The following TBC1D32 variants were observed in gnomAD, a reference collection of about 807,000 sequenced individuals.
TBC1D32 encodes the protein protein broad-minded.
Under a neutral mutation model 170.3 loss-of-function variants are expected in TBC1D32, and 151 were observed. The ratio of observed to expected loss-of-function variants is 0.89; its 90% CI spans 0.78 to 1.01. The LOEUF (loss-of-function observed/expected upper bound fraction) is 1.01. TBC1D32 is among the 50% of genes least tolerant of loss of function. TBC1D32 has a pLI of 0.00. For missense variants in TBC1D32, 1,464 were observed against 1,457.1 expected, an observed-to-expected ratio of 1.00 and a Z score of -0.08; for synonymous variants, 498 against 488.0, an observed-to-expected ratio of 1.02 and a Z score of -0.27.
chr6:121,198,236 A>AT (rs1252448687), intron 22 of TBC1D32, among the ~76,000 whole-genome samples: 8 of 129,570 alleles, frequency 6.2e-5, no homozygotes, highest in African/African-American at 2.4e-4. Context: ...AATATATATA[A>AT]ATATATATAT....
Position 121,115,175 on chromosome 6 carries a change from A to G in TBC1D32, c.3050T>C (p.Val1017Ala), listed in dbSNP as rs1244009991. 1 of 1,596,048 alleles carries G rather than the reference A, an allele frequency of 6.3e-7. No individual in the cohort carries two copies. Among genetic ancestry groups the G allele is most frequent in the Non-Finnish European group, 8.5e-7 (1 of 1,169,612 alleles). ...SVQQLGIKMT[V>A]RYGKFLSLLK... ...GAGCTATTTCCCTATAATATACCTG[A>G]CAGTCATTTTAATGCCAAGCTGCTG... is the stretch of plus-strand genomic sequence containing the variant. The change falls in exon 27 of 32, where the codon GTC becomes GCC. Residue 1017 changes from valine to alanine, a missense_variant. This residue lies in a region of TBC1D32 where 1,363 missense variants were observed against 1,338.1 expected (regional missense o/e 1.02). Transcript: ENST00000398212.
chr6:121,145,631 T>C (rs1039030588), intron 24 of TBC1D32, among the ~76,000 whole-genome samples: 2 of 152,174 alleles, frequency 1.3e-5, no homozygotes, highest in African/African-American at 4.8e-5. Context: ...AAAATAAGCA[T>C]GTGAGATTAT....
intron 16 of TBC1D32, among the ~76,000 whole-genome samples, chr6:121,255,739 T>C (rs1356941228): frequency 6.6e-6 from 1 of 152,028 alleles, no homozygotes. Flanking sequence ...TACATTACGA[T>C]CTCTAGTATC....
At chr6:121,204,530 C>T (rs942157027) in intron 22 of TBC1D32, among the ~76,000 whole-genome samples, 6 of 151,206 alleles carry the variant, frequency 4.0e-5, no homozygotes, top group African/African-American at 1.5e-4. Context: ...TTACATATGA[C>T]CAAAAGACTG....
chr6:121,131,855 A>T (rs1458419971), intron 24 of TBC1D32, 103 bp from the exon 25 acceptor site: 3 of 815,252 alleles, frequency 3.7e-6, no homozygotes, highest in Non-Finnish European at 5.3e-6. Flanking sequence ...TATGGAATAC[A>T]TATGGCTTTC....
intron 15 of TBC1D32, among the ~76,000 whole-genome samples, chr6:121,260,184 C>T (rs1201257974): frequency 6.6e-6 from 1 of 152,104 alleles, no homozygotes; most frequent in Non-Finnish European, 1.5e-5. Flanking sequence ...TTTCTTGTAT[C>T]GTTTCCAAGC....
chr6:121,088,575 T>C (rs1776486864), intron 31 of TBC1D32, among the ~76,000 whole-genome samples: 1 of 152,120 alleles, frequency 6.6e-6, no homozygotes, highest in Admixed American at 6.6e-5. Context: ...AAATAAACTA[T>C]ACCAGAGTTT....
At chr6:121,115,065 A>G in intron 27 of TBC1D32, 107 bp downstream of exon 27, 2 of 761,858 alleles carry the variant, frequency 2.6e-6, no homozygotes, top group Non-Finnish European at 4.0e-6. Context: ...CTCTGCATTT[A>G]AAGTATACAA....
Position 121,303,674 on chromosome 6 carries a change from A to C in TBC1D32, c.1023T>G (p.Asp341Glu). Reference protein sequence around the residue: ...QSHVVSQKILDPIYFFALVDT... With the variant: ...QSHVVSQKILEPIYFFALVDT... ...CAACTAATGCAAAAAAGTAGATCGG[A>C]TCCAAAATCTTTTGTGAGACAACAT... The change falls in exon 9 of 32, where the codon GAT (aspartate) becomes GAG (glutamate). Residue 341 changes from aspartate (D) to glutamate (E), a missense_variant. Physicochemically the swap from Asp to Glu is conservative, Grantham distance 45. This residue lies in a region of TBC1D32 where 1,363 missense variants were observed against 1,338.1 expected (regional missense o/e 1.02). Coordinates refer to ENST00000398212, the MANE Select transcript of TBC1D32 (RefSeq NM_152730.6). The C allele has an allele frequency of 6.3e-7, 1 of 1,599,324 alleles. No individual in the cohort carries two copies. The highest frequency in any genetic ancestry group is 8.5e-7 in the Non-Finnish European group (1 of 1,170,080).
chr6:121,241,408 G>T, intron 19 of TBC1D32, 57 bp downstream of exon 19: 1 of 1,438,896 alleles, frequency 6.9e-7, no homozygotes, highest in Non-Finnish European at 9.5e-7. Flanking sequence ...ATTTTCAGTT[G>T]GCTTGCTCAT....
At chr6:121,224,135 G>A (rs578234430) in intron 20 of TBC1D32, among the ~76,000 whole-genome samples, 1 of 146,832 alleles carries the variant, frequency 6.8e-6, no homozygotes, top group Non-Finnish European at 1.5e-5. Context: ...CGTCACTTCA[G>A]TCAATCAAAT....
intron 20 of TBC1D32, among the ~76,000 whole-genome samples, chr6:121,235,951 A>G (rs1348543387): frequency 2.6e-5 from 4 of 152,184 alleles, no homozygotes; most frequent in Non-Finnish European, 5.9e-5. Flanking sequence ...TTTTTTATAC[A>G]TGCTGAAAAT....
intron 11 of TBC1D32, among the ~76,000 whole-genome samples, chr6:121,292,625 C>T (rs1375597236): frequency 1.3e-5 from 2 of 152,134 alleles, no homozygotes; most frequent in East Asian, 1.9e-4. Context: ...ACAATATAGA[C>T]ATCTCCCAAT....
At chr6:121,159,050 C>G (rs1785262464) in intron 24 of TBC1D32, among the ~76,000 whole-genome samples, 1 of 152,178 alleles carries the variant, frequency 6.6e-6, no homozygotes, top group Non-Finnish European at 1.5e-5. Flanking sequence ...TCCAGCCCCT[C>G]TGCTTTTTCC....
intron 10 of TBC1D32, among the ~76,000 whole-genome samples, chr6:121,296,139 T>C (rs925666058): frequency 1.3e-5 from 2 of 152,180 alleles, no homozygotes; most frequent in Non-Finnish European, 1.5e-5. Flanking sequence ...AATTCAATGC[T>C]GAAAGAGTTA....
chr6:121,105,208 A>T (rs1255221057), intron 30 of TBC1D32, among the ~76,000 whole-genome samples: 4 of 151,964 alleles, frequency 2.6e-5, no homozygotes, highest in Non-Finnish European at 5.9e-5. Context: ...CAAAATTTTT[A>T]AAAGGGTAAC....
intron 29 of TBC1D32, among the ~76,000 whole-genome samples, chr6:121,110,045 A>C (rs1310613665): frequency 6.6e-6 from 1 of 151,868 alleles, no homozygotes; most frequent in Admixed American, 6.6e-5. Context: ...AAGTCAGGAG[A>C]TCGAGACCAT....
Position 121,256,111 on chromosome 6 carries a change from A to C in TBC1D32, c.1908T>G (p.His636Gln), listed in dbSNP as rs1798971403. The C allele has an allele frequency of 6.2e-7, 1 of 1,612,970 alleles. No individual in the cohort carries two copies. Among genetic ancestry groups the C allele is most frequent in the African/African-American group, 1.3e-5 (1 of 74,880 alleles). Residue 636 changes from histidine (H) to glutamine (Q), a missense_variant, in exon 16 of 32, where the codon CAT becomes CAG. Coordinates refer to ENST00000398212, the MANE Select transcript of TBC1D32 (RefSeq NM_152730.6). ...TTTTCCATGCCTTTGCTATAGATTC[A>C]TGCAAATTATAAGTGATTAACACCT... ...GLQVLITYNL[H>Q]ESIAKAWKKT...
At chr6:121,162,746 C>T (rs1294041136) in intron 22 of TBC1D32, among the ~76,000 whole-genome samples, 4 of 150,906 alleles carry the variant, frequency 2.7e-5, no homozygotes, top group African/African-American at 4.9e-5. Flanking sequence ...GGAACAGCTC[C>T]AGTCTACAGC....
Sources: allele counts gnomAD v4.1 joint callset (sites outside exome capture counted in the v4.1 genomes callset), GRCh38; gene constraint gnomAD v4.1.1; regional missense constraint gnomAD v4.1.1; transcripts MANE v1.5; gene names NCBI Gene and HGNC (gene_info 2026-07-23, HGNC 2026-07-21).